The following MIA3 variants were observed in gnomAD, a reference collection of about 807,000 sequenced individuals.
The protein encoded by MIA3 is transport and Golgi organization protein 1 homolog.
MIA3 carries 90 observed loss-of-function variants against 192.4 expected under a neutral mutation model. The ratio of observed to expected loss-of-function variants is 0.47; its 90% CI spans 0.39 to 0.56. MIA3 has a LOEUF of 0.56. Among genes scored for constraint, MIA3 ranks in the 20% least tolerant of loss-of-function variants. The probability of loss-of-function intolerance (pLI) is 0.00; values close to 1 mark genes in which losing one functional copy is unlikely to be tolerated. For synonymous variants in MIA3, 740 were observed against 792.8 expected (o/e 0.93, Z 1.12); for missense variants, 2,123 against 2,269.4 (o/e 0.94, Z 1.31).
At chr1:222,660,130 G>T in intron 23 of MIA3, 47 bp from the exon 24 acceptor site, 1 of 1,597,044 alleles carries the variant, frequency 6.3e-7, no homozygotes. Context: ...ACTGAATAAA[G>T]AAAAAAAGGC....
At chr1:222,645,906 A>G (rs550506185) in intron 7 of MIA3, 32 of 395,990 alleles carry the variant, frequency 8.1e-5, no homozygotes, top group African/African-American at 5.5e-4. Context: ...TATATGTCTC[A>G]TATCAAAGTC....
intron 6 of MIA3, chr1:222,644,574 C>G (rs1663041285): frequency 1.3e-6 from 2 of 1,550,496 alleles, no homozygotes; most frequent in Admixed American, 3.9e-5. Context: ...CCTTCATAGC[C>G]AAGCTGCTGG....
In MIA3 at chr1:222,660,224, G is replaced by A; in HGVS notation, c.5023G>A (p.Gly1675Arg). 6.2e-7 allele frequency: 1 copy of A among 1,614,016 alleles called. No individual in the cohort carries two copies. The highest frequency in any genetic ancestry group is 1.3e-5 in the African/African-American group (1 of 75,032). Residue 1675 changes from glycine to arginine, a missense_variant, in exon 24 of 28, where the codon GGA becomes AGA. Around this residue, in one of 3 missense-constraint regions of MIA3, gnomAD observed 762 missense variants for 856.4 expected, o/e 0.89. Transcript: ENST00000344922. ...TTTTGGCCCATCCCCTGTGAGTGGT[G>A]GAGAATGCTCCCCTCCATTGACAGT... ...GSFGPSPVSG[G>R]ECSPPLTVEP...
chr1:222,645,790 T>C, intron 7 of MIA3, 105 bp downstream of exon 7: 1 of 1,003,080 alleles, frequency 1.0e-6, no homozygotes, highest in Non-Finnish European at 1.4e-6. Flanking sequence ...AAATTAATGC[T>C]TTTAATTCAA....
chr1:222,656,653 G>T (rs1652244244), intron 18 of MIA3, among the ~76,000 whole-genome samples: 1 of 151,924 alleles, frequency 6.6e-6, no homozygotes, highest in African/African-American at 2.4e-5. Context: ...TGAGTTTGGA[G>T]CCTCTTTTTT....
At chr1:222,636,066 G>A (rs3002146) in intron 6 of MIA3, among the ~76,000 whole-genome samples, 34,433 of 152,026 alleles carry the variant, frequency 0.23, 4,334 homozygotes, top group Admixed American at 0.34. Flanking sequence ...CAGAGAATCC[G>A]TGGGACCATC....
rs565981190 is a variant in MIA3, at chr1:222,633,479, G to A, written c.3477+230G>A. On this transcript the variant is annotated intron_variant, in intron 6 of 27. Transcript: ENST00000344922. ...CTGGGCACAAGCACACCTGTCAAACGTGGTTCTTCCTTTCAGGGACCTTTC... is the reference window on the plus strand; with the variant it reads ...CTGGGCACAAGCACACCTGTCAAACATGGTTCTTCCTTTCAGGGACCTTTC... Among the ~76,000 whole-genome samples, 4 of 152,288 alleles carry A rather than the reference G, an allele frequency of 2.6e-5. No homozygotes were observed. In the East Asian group the frequency reaches 5.8e-4, roughly 22 times the overall value.
Position 222,664,924 on chromosome 1 carries a change from C to A in MIA3, c.5414-385C>A, listed in dbSNP as rs867940692. On this transcript the variant is annotated intron_variant, in intron 27 of 27. Coordinates refer to ENST00000344922, the MANE Select transcript of MIA3 (RefSeq NM_198551.4). ...AGGCACAGTGGCTCACGCCTGTAAT[C>A]CCAGCACTTTATGAATCCCAGCATT... 7 of 467,862 alleles carry A rather than the reference C, an allele frequency of 1.5e-5. No homozygotes were observed. In the Middle Eastern group the frequency reaches 2.6e-3, roughly 175 times the overall value. The allele number at this position is 467,862 out of a possible 1,614,324, so 29.0% of individuals were successfully genotyped here.
At chr1:222,621,318 T>C (rs762354806) in intron 2 of MIA3, 26 bp downstream of exon 2, 1 of 1,590,456 alleles carries the variant, frequency 6.3e-7, no homozygotes, top group Non-Finnish European at 8.5e-7. Context: ...ACATACTTTA[T>C]TTGCTTAATT....
chr1:222,629,642 A>G lies in MIA3; in HGVS notation c.2422A>G (p.Thr808Ala), dbSNP rs1175245515. The G allele has an allele frequency of 6.2e-7, 1 of 1,614,054 alleles. No individual in the cohort carries two copies. Among genetic ancestry groups the G allele is most frequent in the Non-Finnish European group, 8.5e-7 (1 of 1,180,030 alleles). The stretch of plus-strand genomic sequence containing the variant: ...CAACACAGGAGGCAGGGAACCAAAT[A>G]CAATGGTGGAAAAAGAACGCCCTCT... ...GVNTGGREPN[T>A]MVEKERPLAD... Residue 808 changes from threonine (T) to alanine (A), a missense_variant, in exon 4 of 28, where the codon ACA (threonine) becomes GCA (alanine). This residue lies in a region of MIA3 where 1,357 missense variants were observed against 1,396.1 expected (regional missense o/e 0.97). Transcript: ENST00000344922.
intron 1 of MIA3, among the ~76,000 whole-genome samples, chr1:222,619,279 C>T (rs1234704675): frequency 2.0e-5 from 3 of 152,180 alleles, no homozygotes; most frequent in African/African-American, 7.2e-5. Flanking sequence ...CCTCCCAGAC[C>T]GTCTCAACCT....
Position 222,658,718 on chromosome 1 carries a change from T to G in MIA3, c.4608-4T>G. The G allele has an allele frequency of 6.2e-7, 1 of 1,600,292 alleles. No individual in the cohort carries two copies. Among genetic ancestry groups the G allele is most frequent in the Non-Finnish European group, 8.5e-7 (1 of 1,173,994 alleles). ...ACTTTCATTGACAACCAGTTTTATCTTAGGAAACTGAGTCAAGAAGAGTAT... is the reference window on the plus strand; with the variant it reads ...ACTTTCATTGACAACCAGTTTTATCGTAGGAAACTGAGTCAAGAAGAGTAT... On this transcript the variant is annotated splice_polypyrimidine_tract_variant and splice_region_variant and intron_variant, in intron 18 of 27. Transcript: ENST00000344922.
At position 222,629,843 on chromosome 1, in the gene MIA3, C is replaced by G. The variant is rs1404253523; in HGVS notation, c.2623C>G (p.Leu875Val). ...SGLAGEPEGELSKEDHENTEK... is the reference protein window; with the variant it reads ...SGLAGEPEGEVSKEDHENTEK... ...GCTTGCAGGGGAGCCTGAGGGAGAA[C>G]TCTCAAAAGAGGACCATGAGAACAC... Residue 875 changes from leucine (L) to valine (V), a missense_variant, in exon 4 of 28, where the codon CTC becomes GTC. Physicochemically the swap from Leu to Val is conservative, Grantham distance 32. Around this residue, in one of 3 missense-constraint regions of MIA3, gnomAD observed 1,357 missense variants for 1,396.1 expected, o/e 0.97. Transcript: ENST00000344922. The G allele has an allele frequency of 4.3e-6, 7 of 1,613,616 alleles. No individual in the cohort carries two copies. The South Asian group carries it at 5.5e-5, about 13-fold the overall frequency.
chr1:222,657,872 TTAA>T (rs1336106546), intron 18 of MIA3, among the ~76,000 whole-genome samples: 1 of 152,256 alleles, frequency 6.6e-6, no homozygotes, highest in Non-Finnish European at 1.5e-5. Context: ...CTCTTTGGTG[TTAA>T]TAACCCTTTT....
intron 6 of MIA3, chr1:222,644,582 TG>T: frequency 6.4e-7 from 1 of 1,550,566 alleles, no homozygotes; most frequent in African/African-American, 1.4e-5. Flanking sequence ...GCCAAGCTGC[TG>T]GAGGTGACAG....
In MIA3 at chr1:222,665,506, C is replaced by T. The variant is rs569861106; in HGVS notation, c.5611C>T (p.Pro1871Ser). 1.2e-6 allele frequency: 2 copies of T among 1,614,030 alleles called. No homozygotes were observed. The highest frequency in any genetic ancestry group is 1.7e-6 in the Non-Finnish European group (2 of 1,179,964). Residue 1871 changes from proline (P) to serine (S), a missense_variant, in exon 28 of 28, where the codon CCA becomes TCA. Physicochemically the swap from Pro to Ser is moderately conservative, Grantham distance 74 (BLOSUM62 -1). Around this residue, in one of 3 missense-constraint regions of MIA3, gnomAD observed 762 missense variants for 856.4 expected, o/e 0.89. Coordinates refer to ENST00000344922, the MANE Select transcript of MIA3 (RefSeq NM_198551.4). ...CCCAACCCATGGTCCCCAGGAATACCCACCACCACCTGCTGTAAGAGACTT... is the reference window on the plus strand; with the variant it reads ...CCCAACCCATGGTCCCCAGGAATACTCACCACCACCTGCTGTAAGAGACTT... ...PPPTHGPQEY[P>S]PPPAVRDLLP...
rs1664153614 is a variant in MIA3 at position 222,664,035 on chromosome 1, G to T, written c.5300G>T (p.Gly1767Val). ...MAPKGPPPFP[G>V]VPLMSTPMGG... Reference sequence around the variant, plus strand: ...CCAAAAGGGCCCCCTCCTTTCCCAGGAGTCCCTCTCATGAGCACCCCCATG... The same window carrying T: ...CCAAAAGGGCCCCCTCCTTTCCCAGTAGTCCCTCTCATGAGCACCCCCATG... The change falls in exon 27 of 28, where the codon GGA (glycine) becomes GTA (valine). Residue 1767 changes from glycine to valine, a missense_variant. Gly to Val is a moderately radical substitution (Grantham distance 109). Transcript: ENST00000344922. The T allele has an allele frequency of 1.2e-6, 2 of 1,614,046 alleles. No homozygotes were observed. Among genetic ancestry groups the T allele is most frequent in the Non-Finnish European group, 1.7e-6 (2 of 1,179,992 alleles).
At chr1:222,630,716 A>T (rs1662360569) in intron 4 of MIA3, among the ~76,000 whole-genome samples, 1 of 152,252 alleles carries the variant, frequency 6.6e-6, no homozygotes, top group Non-Finnish European at 1.5e-5. Flanking sequence ...TTTATTGAAC[A>T]CAATTTTTCA....
At chr1:222,623,182 G>A (rs965061708) in intron 2 of MIA3, among the ~76,000 whole-genome samples, 8 of 151,542 alleles carry the variant, frequency 5.3e-5, no homozygotes, top group South Asian at 2.1e-4. Flanking sequence ...CCTACCCCCC[G>A]CCCAAATGAA....
Sources: allele counts gnomAD v4.1 joint callset (sites outside exome capture counted in the v4.1 genomes callset), GRCh38; gene constraint gnomAD v4.1.1; regional missense constraint gnomAD v4.1.1; transcripts MANE v1.5; gene names NCBI Gene and HGNC (gene_info 2026-07-23, HGNC 2026-07-21).